Variants in ANGPT2 observed in about 807,000 individuals in gnomAD.
The protein encoded by ANGPT2 is angiopoietin-2.
A neutral mutation model predicts 62.9 loss-of-function variants in ANGPT2; 28 were observed. The ratio of observed to expected loss-of-function variants is 0.44; its 90% CI spans 0.33 to 0.61. ANGPT2 has a LOEUF of 0.61. Ranked by LOEUF, ANGPT2 falls within the 20% of genes least tolerant of loss-of-function variation. The pLI, the probability that ANGPT2 is intolerant of heterozygous loss-of-function variation, is 0.03. For synonymous variants in ANGPT2, 284 were observed against 207.8 expected, an observed-to-expected ratio of 1.37 and a Z score of -3.15; for missense variants, 727 against 594.9, an observed-to-expected ratio of 1.22 and a Z score of -2.31.
intron 1 of ANGPT2, among the ~76,000 whole-genome samples, chr8:6,541,900 C>T (rs548863515): frequency 6.6e-6 from 1 of 151,372 alleles, no homozygotes; most frequent in South Asian, 2.1e-4. Context: ...CCTAGCTACT[C>T]AGGAGGCTAA....
intron 6 of ANGPT2, among the ~76,000 whole-genome samples, chr8:6,514,256 C>G (rs953196894): frequency 1.4e-4 from 22 of 152,294 alleles, no homozygotes; most frequent in African/African-American, 5.3e-4. Context: ...GTGGTGTGAT[C>G]TTGGCTGACT....
At chr8:6,534,769 C>A (rs1283715590) in intron 1 of ANGPT2, among the ~76,000 whole-genome samples, 1 of 152,164 alleles carries the variant, frequency 6.6e-6, no homozygotes, top group South Asian at 2.1e-4. Context: ...TTAGCTCAGG[C>A]TTTTTAGTGT....
intron 8 of ANGPT2, among the ~76,000 whole-genome samples, chr8:6,503,599 G>A (rs1054428019): frequency 6.6e-6 from 1 of 152,180 alleles, no homozygotes; most frequent in Non-Finnish European, 1.5e-5. Context: ...AGGCACAGTT[G>A]GAAAACTCTC....
intron 1 of ANGPT2, among the ~76,000 whole-genome samples, chr8:6,543,914 A>G (rs1255636447): frequency 6.6e-6 from 1 of 152,126 alleles, no homozygotes; most frequent in African/African-American, 2.4e-5. Flanking sequence ...TATAACTCAC[A>G]TTAGAAACAC....
chr8:6,519,763 G>A (rs1816955793), intron 5 of ANGPT2, 101 bp downstream of exon 5: 1 of 1,449,652 alleles, frequency 6.9e-7, no homozygotes, highest in Non-Finnish European at 9.4e-7. Flanking sequence ...GTGTGAGGCT[G>A]GGGAAGATCT....
At chr8:6,521,490 A>G (rs1231856374) in intron 3 of ANGPT2, 80 bp from the exon 4 acceptor site, 1 of 1,027,034 alleles carries the variant, frequency 9.7e-7, no homozygotes, top group African/African-American at 1.6e-5. Flanking sequence ...TACTTCTCCA[A>G]GGTACTCTGT....
At chr8:6,544,843 T>C (rs1822264701) in intron 1 of ANGPT2, among the ~76,000 whole-genome samples, 1 of 152,194 alleles carries the variant, frequency 6.6e-6, no homozygotes, top group African/African-American at 2.4e-5. Context: ...AGACTCGAAA[T>C]ATGTTTTGAG....
At chr8:6,515,067 A>G (rs577305712) in intron 5 of ANGPT2, among the ~76,000 whole-genome samples, 1 of 151,518 alleles carries the variant, frequency 6.6e-6, no homozygotes, top group African/African-American at 2.4e-5. Context: ...CCCCACCCTG[A>G]TGGCTGGTCC....
chr8:6,530,576 C>T (rs997318026), intron 2 of ANGPT2, among the ~76,000 whole-genome samples: 14 of 121,908 alleles, frequency 1.1e-4, no homozygotes, highest in Non-Finnish European at 2.0e-4. Context: ...CCTAATAATT[C>T]GCTTTAGATA....
At chr8:6,526,921 T>A (rs1335185858) in intron 3 of ANGPT2, among the ~76,000 whole-genome samples, 2 of 152,164 alleles carry the variant, frequency 1.3e-5, no homozygotes, top group Non-Finnish European at 2.9e-5. Context: ...TTCTATATTT[T>A]ATTTAAATAT....
At chr8:6,557,044 G>A (rs961267597) in intron 1 of ANGPT2, among the ~76,000 whole-genome samples, 1 of 152,074 alleles carries the variant, frequency 6.6e-6, no homozygotes, top group African/African-American at 2.4e-5. Context: ...GGGTGGGCGG[G>A]GTCATATGGT....
intron 4 of ANGPT2, among the ~76,000 whole-genome samples, chr8:6,520,450 G>A (rs1397248459): frequency 6.6e-6 from 1 of 152,120 alleles, no homozygotes; most frequent in African/African-American, 2.4e-5. Flanking sequence ...ATAGTGGGGT[G>A]CAGTGACACA....
chr8:6,544,252 A>G (rs563649538), intron 1 of ANGPT2, among the ~76,000 whole-genome samples: 3 of 152,220 alleles, frequency 2.0e-5, no homozygotes, highest in Non-Finnish European at 4.4e-5. Flanking sequence ...GGAAGACCAT[A>G]GAAAACCCCA....
At chr8:6,544,119 A>G (rs1822107335) in intron 1 of ANGPT2, among the ~76,000 whole-genome samples, 1 of 152,236 alleles carries the variant, frequency 6.6e-6, no homozygotes, top group Non-Finnish European at 1.5e-5. Flanking sequence ...TGTTTTCCAA[A>G]CATAACTTTT....
intron 3 of ANGPT2, among the ~76,000 whole-genome samples, chr8:6,522,875 TG>T (rs1355427569): frequency 6.6e-6 from 1 of 152,224 alleles, no homozygotes; most frequent in Non-Finnish European, 1.5e-5. Context: ...CAGAACTTTC[TG>T]ACTCTGAAAT....
Position 6,509,115 on chromosome 8 carries a change from T to C in ANGPT2, c.1197-53A>G, listed in dbSNP as rs532252905. The stretch of plus-strand genomic sequence containing the variant: ...ATTGGCTAGGGTCATTGATTTACCG[T>C]AGTGGCAAATTTTTTGTGATGAAGA... On this transcript the variant is annotated intron_variant, in intron 7 of 8. Transcript: ENST00000629816. 3.8e-6 allele frequency: 6 copies of C among 1,580,606 alleles called. 1 individual carries two copies. The South Asian group carries it at 5.8e-5, about 15-fold the overall frequency.
rs531181247 is a variant in ANGPT2 at position 6,553,944 on chromosome 8, G to C, written c.288+8703C>G. 1.8e-4 allele frequency among the ~76,000 whole-genome samples: 28 copies of C among 152,164 alleles called. No homozygotes were observed. The East Asian group carries it at 5.2e-3, about 28-fold the overall frequency. On this transcript the variant is annotated intron_variant, in intron 1 of 8. Coordinates refer to ENST00000629816, the MANE Select transcript of ANGPT2 (RefSeq NM_001118887.2). ...AGATATGGTTTGGGCAGACAAAATA[G>C]AAATCTTCTGTGTGTAGCATGTCCA... is the stretch of plus-strand genomic sequence containing the variant.
At chr8:6,559,530 G>A (rs1396292656) in intron 1 of ANGPT2, among the ~76,000 whole-genome samples, 1 of 150,512 alleles carries the variant, frequency 6.6e-6, no homozygotes, top group Non-Finnish European at 1.5e-5. Context: ...AACGATGGCA[G>A]AGGAAATGTT....
Position 6,512,233 on chromosome 8 carries a change from G to A in ANGPT2, c.1196+1445C>T, listed in dbSNP as rs2129567151. On this transcript the variant is annotated intron_variant, in intron 7 of 8. Coordinates refer to ENST00000629816, the MANE Select transcript of ANGPT2 (RefSeq NM_001118887.2). The stretch of plus-strand genomic sequence containing the variant: ...CTGTTTGTACAGCAGGACATACTGG[G>A]CATTGTAGAGTTTTCAGTTGGTTGT... Among the ~76,000 whole-genome samples the A allele has an allele frequency of 2.0e-5, 3 of 152,228 alleles. 1 individual carries two copies. In the South Asian group the frequency reaches 6.2e-4, roughly 32 times the overall value.
Sources: allele counts gnomAD v4.1 joint callset (sites outside exome capture counted in the v4.1 genomes callset), GRCh38; gene constraint gnomAD v4.1.1; transcripts MANE v1.5; gene names NCBI Gene and HGNC (gene_info 2026-07-23, HGNC 2026-07-21).